ATG16L2: variants seen among roughly 807,000 people sequenced by gnomAD.
ATG16L2 encodes protein Atg16l2.
Under a neutral mutation model 84.7 loss-of-function variants are expected in ATG16L2, and 77 were observed. The observed-to-expected ratio is 0.91, with a 90% confidence interval of 0.76 to 1.10. The LOEUF (loss-of-function observed/expected upper bound fraction) is 1.10. ATG16L2 is among the 50% of genes least tolerant of loss of function. The pLI is 0.00. For missense variants in ATG16L2, 782 were observed against 817.6 expected, an observed-to-expected ratio of 0.96 and a Z score of 0.53; for synonymous variants, 361 against 342.8, an observed-to-expected ratio of 1.05 and a Z score of -0.59.
chr11:72,822,746 AC>A lies in ATG16L2; in HGVS notation c.711-99del. On this transcript the variant is annotated intron_variant, in intron 6 of 17. Transcript: ENST00000321297. The surrounding 1 kb of genome is among the most constrained non-coding windows in gnomAD (Gnocchi z 4.2). ...CGCTGCACGTGTACACCCACACAGA[AC>A]CCTCATCACTGGGAATTCCTGTCTT... The A allele has an allele frequency of 9.4e-7, 1 of 1,062,174 alleles. No individual in the cohort carries two copies. Among genetic ancestry groups the A allele is most frequent in the East Asian group, 2.6e-5 (1 of 38,528 alleles). The allele number at this position is 1,062,174 out of a possible 1,614,324, so 65.8% of individuals were successfully genotyped here. A position where few individuals can be genotyped will look rare whatever the true frequency, so the allele number is the denominator to read the frequency against.
intron 5 of ATG16L2, chr11:72,838,907 C>T: frequency 6.4e-7 from 1 of 1,568,756 alleles, no homozygotes; most frequent in Non-Finnish European, 8.7e-7. Context: ...GTTTGTCAGT[C>T]AGTTCCTGAC....
Position 72,822,232 on chromosome 11 carries a change from G to A in ATG16L2, c.581G>A (p.Arg194Lys). 1.3e-6 allele frequency: 2 copies of A among 1,498,948 alleles called. No homozygotes were observed. The highest frequency in any genetic ancestry group is 1.8e-6 in the Non-Finnish European group (2 of 1,133,816). 92.9% of individuals were successfully genotyped at this position (1,498,948 alleles called of 1,614,324 possible). A position where few individuals can be genotyped will look rare whatever the true frequency, so the allele number is the denominator to read the frequency against. The change falls in exon 5 of 18, where the codon AGG becomes AAG. Residue 194 changes from arginine to lysine, a missense_variant. By Grantham distance (26) the Arg-to-Lys change is conservative. Transcript: ENST00000321297. The surrounding 1 kb of genome is among the most constrained non-coding windows in gnomAD (Gnocchi z 4.2). ...LQEEARDLLE[R>K]LVQRKARAAA... ...GAAGAGGCGCGCGACCTGCTGGAGA[G>A]GCTCGTGCAGCGCAAGGCGCGCGCC... is the stretch of plus-strand genomic sequence containing the variant.
At chr11:72,827,952 CA>C (rs1860458981) in intron 14 of ATG16L2, among the ~76,000 whole-genome samples, 1 of 151,994 alleles carries the variant, frequency 6.6e-6, no homozygotes, top group African/African-American at 2.4e-5. Context: ...AAACCAAAAC[CA>C]AAAACAAAAC....
chr11:72,814,425 G>T lies in ATG16L2; in HGVS notation c.-21G>T. ...CCGTCCTGGGCGGGAGGAACGCGCC[G>T]CTAGGCGGGAGAGCGCGGCCATGGC... On this transcript the variant is annotated 5_prime_UTR_variant, in exon 1 of 18. Coordinates refer to ENST00000321297, the MANE Select transcript of ATG16L2 (RefSeq NM_033388.2). 1 of 1,422,184 alleles carries T rather than the reference G, an allele frequency of 7.0e-7. No homozygotes were observed. The highest frequency in any genetic ancestry group is 9.3e-7 in the Non-Finnish European group (1 of 1,076,720). The allele number at this position is 1,422,184 out of a possible 1,614,324, so 88.1% of individuals were successfully genotyped here.
Position 72,814,499 on chromosome 11 carries a change from C to A in ATG16L2, c.54C>A (p.Ile18=). ...GAPAARWKRH[I]VRQLRLRDRT... ...CCGCAGCGCGCTGGAAACGCCACATCGTGCGGCAGCTGCGGCTTCGGGACC... is the reference window on the plus strand; with the variant it reads ...CCGCAGCGCGCTGGAAACGCCACATAGTGCGGCAGCTGCGGCTTCGGGACC... The change falls in exon 1 of 18, where the codon ATC becomes ATA. Residue 18 remains isoleucine (I), a synonymous_variant. Transcript: ENST00000321297. 6.5e-7 allele frequency: 1 copy of A among 1,545,894 alleles called. No homozygotes were observed. The highest frequency in any genetic ancestry group is 8.7e-7 in the Non-Finnish European group (1 of 1,144,324).
intron 5 of ATG16L2, among the ~76,000 whole-genome samples, chr11:72,836,569 A>C (rs1207672333): frequency 6.6e-6 from 1 of 152,056 alleles, no homozygotes; most frequent in African/African-American, 2.4e-5. Context: ...AGGATATTAC[A>C]CCTAGCACAT....
downstream of ATG16L2, among the ~76,000 whole-genome samples, chr11:72,831,691 G>A (rs1860610686): frequency 1.3e-5 from 2 of 152,174 alleles, no homozygotes; most frequent in Admixed American, 6.5e-5. Context: ...AGGGACACAT[G>A]GCTGGGGAGA....
Position 72,824,047 on chromosome 11 carries a change from G to A in ATG16L2, c.825-13G>A, listed in dbSNP as rs745976106. 1.9e-6 allele frequency: 3 copies of A among 1,614,056 alleles called. No individual in the cohort carries two copies. The African/African-American group carries it at 4.0e-5, about 22-fold the overall frequency. Reference sequence around the variant, plus strand: ...GCCAGTCCCTTAGCATATCTCTCTTGGTTTTGTCTCAGGTCTGCCTCAGCC... The same window carrying A: ...GCCAGTCCCTTAGCATATCTCTCTTAGTTTTGTCTCAGGTCTGCCTCAGCC... On this transcript the variant is annotated splice_polypyrimidine_tract_variant and intron_variant, in intron 7 of 17. Transcript: ENST00000321297.
Position 72,841,544 on chromosome 11 carries a change from G to A in ATG16L2, c.*22-1073G>A, listed in dbSNP as rs144952535. 55 of 1,611,256 alleles carry A rather than the reference G, an allele frequency of 3.4e-5. 1 individual carries two copies. The highest frequency in any genetic ancestry group is 4.5e-5 in the Non-Finnish European group (53 of 1,178,940). ...CTGGGAGGCTGGTCGTACAACGGCA[G>A]TGGAGGCAGGGAGGCGTGTGGCTTG... On this transcript the variant is annotated intron_variant, in intron 5 of 5. Transcript: ENST00000534905.
chr11:72,824,407 G>C, intron 8 of ATG16L2: 1 of 568,496 alleles, frequency 1.8e-6, no homozygotes, highest in Non-Finnish European at 3.1e-6. Flanking sequence ...ACTCAATTGG[G>C]AAAAATGCTC....
Position 72,814,436 on chromosome 11 carries a change from G to T in ATG16L2, c.-10G>T. 6.8e-7 allele frequency: 1 copy of T among 1,471,930 alleles called. No homozygotes were observed. The highest frequency in any genetic ancestry group is 1.3e-5 in the South Asian group (1 of 77,500). The allele number at this position is 1,471,930 out of a possible 1,614,324, so 91.2% of individuals were successfully genotyped here. On this transcript the variant is annotated 5_prime_UTR_variant, in exon 1 of 18. Transcript: ENST00000321297. ...GGGAGGAACGCGCCGCTAGGCGGGA[G>T]AGCGCGGCCATGGCGGGGCCGGGCG... is the stretch of plus-strand genomic sequence containing the variant.
In ATG16L2 at chr11:72,816,808, A is replaced by G; in HGVS notation, c.199A>G (p.Thr67Ala). The G allele has an allele frequency of 6.2e-7, 1 of 1,614,140 alleles. No individual in the cohort carries two copies. ...GCCGGAGCCAAACAGTGTCACTCCC[A>G]CCACCCACCAGGGCCCCTGGTAAGT... ...LQPEPNSVTPTTHQGPWEESE... is the reference protein window; with the variant it reads ...LQPEPNSVTPATHQGPWEESE... The change falls in exon 2 of 18, where the codon ACC (threonine) becomes GCC (alanine). Residue 67 changes from threonine (T) to alanine (A), a missense_variant. Physicochemically the swap from Thr to Ala is moderately conservative, Grantham distance 58. Transcript: ENST00000321297.
At position 72,825,376 on chromosome 11, in the gene ATG16L2, C is replaced by A. The variant is rs749034330; in HGVS notation, c.1071C>A (p.Asp357Glu). The A allele has an allele frequency of 6.2e-7, 1 of 1,612,870 alleles. No homozygotes were observed. The highest frequency in any genetic ancestry group is 1.1e-5 in the South Asian group (1 of 91,076). ...GCCTCCTGGCCACTGGAGGGGCTGA[C>A]CGCCTGATCCACCTCTGGAATGTTG... The part of the protein sequence containing the change: ...NSSLLATGGA[D>E]RLIHLWNVVG... Residue 357 changes from aspartate (D) to glutamate (E), a missense_variant, in exon 10 of 18, where the codon GAC (aspartate) becomes GAA (glutamate). Physicochemically the swap from Asp to Glu is conservative, Grantham distance 45. Transcript: ENST00000321297.
At chr11:72,824,952 C>A in intron 9 of ATG16L2, 110 bp downstream of exon 9, 1 of 894,408 alleles carries the variant, frequency 1.1e-6, no homozygotes, top group Non-Finnish European at 1.7e-6. Flanking sequence ...CAAGGCTGGG[C>A]TCCTCAGCAG....
chr11:72,821,570 G>C (rs1407968079), intron 3 of ATG16L2, 98 bp from the exon 4 acceptor site: 1 of 1,491,452 alleles, frequency 6.7e-7, no homozygotes, highest in Non-Finnish European at 8.9e-7. Flanking sequence ...GAAGGGGGCG[G>C]GCAGGTGAGC....
chr11:72,826,846 C>T (rs763864788), intron 13 of ATG16L2, 23 bp downstream of exon 13: 2 of 1,609,722 alleles, frequency 1.2e-6, no homozygotes, highest in South Asian at 2.2e-5. Context: ...CCCAGCCCCA[C>T]CTCTCCTCCC....
chr11:72,842,741 T>G, exon 6 of ATG16L2: 1 of 1,614,036 alleles, frequency 6.2e-7, no homozygotes, highest in South Asian at 1.1e-5. Context: ...CATCATCATC[T>G]TGGTTTTCTT....
intron 2 of ATG16L2, among the ~76,000 whole-genome samples, chr11:72,817,497 G>A (rs1286566794): frequency 6.6e-6 from 1 of 152,214 alleles, no homozygotes; most frequent in Non-Finnish European, 1.5e-5. Flanking sequence ...GGGATCACAG[G>A]TGTGAGCCAC....
intron 5 of ATG16L2, chr11:72,840,936 G>C (rs1477493896): frequency 6.2e-7 from 1 of 1,613,074 alleles, no homozygotes; most frequent in African/African-American, 1.3e-5. Context: ...GAGAATCCTG[G>C]TGACTCAGCA....
Sources: allele counts gnomAD v4.1 joint callset (sites outside exome capture counted in the v4.1 genomes callset), GRCh38; gene constraint gnomAD v4.1.1; non-coding constraint Gnocchi (gnomAD v3.1); transcripts MANE v1.5; gene names NCBI Gene and HGNC (gene_info 2026-07-23, HGNC 2026-07-21).